The following ELAVL4 variants were observed in gnomAD, a reference collection of about 807,000 sequenced individuals.
ELAVL4 encodes the protein ELAV-like protein 4.
ELAVL4 carries 1 observed loss-of-function variant against 35.6 expected under a neutral mutation model. That is an observed-to-expected ratio of 0.03 (90% CI 0.01 to 0.13). The LOEUF is 0.13. ELAVL4 is among the 10% of genes least tolerant of loss of function. The probability of loss-of-function intolerance (pLI) is 1.00; values close to 1 mark genes in which losing one functional copy is unlikely to be tolerated. For missense variants in ELAVL4, 267 were observed against 464.9 expected (o/e 0.57, Z 3.91); for synonymous variants, 156 against 171.0 (o/e 0.91, Z 0.69).
At chr1:50,109,517 G>C (rs532640364) in intron 1 of ELAVL4, 3 of 362,388 alleles carry the variant, frequency 8.3e-6, no homozygotes, top group African/African-American at 6.2e-5. Flanking sequence ...GCAAAAGAAG[G>C]GTTTTCTTTT....
chr1:50,154,358 C>T (rs145340810), intron 2 of ELAVL4, among the ~76,000 whole-genome samples: 1 of 150,960 alleles, frequency 6.6e-6, no homozygotes, highest in African/African-American at 2.4e-5. Flanking sequence ...GTGATGTACC[C>T]ATTTGCTCAG....
chr1:50,110,791 G>A (rs936512134), intron 1 of ELAVL4, among the ~76,000 whole-genome samples: 2 of 152,102 alleles, frequency 1.3e-5, no homozygotes, highest in African/African-American at 4.8e-5. Flanking sequence ...TTAGAGGATT[G>A]CCTTTGTCTG....
chr1:50,178,263 C>T (rs1680420273), intron 3 of ELAVL4, among the ~76,000 whole-genome samples: 1 of 152,162 alleles, frequency 6.6e-6, no homozygotes, highest in African/African-American at 2.4e-5. Context: ...GAAACCTCTC[C>T]CAGAATGGAA....
chr1:50,058,677 G>A (rs1031386332), intron 1 of ELAVL4, among the ~76,000 whole-genome samples: 3 of 150,680 alleles, frequency 2.0e-5, no homozygotes, highest in East Asian at 2.0e-4. Flanking sequence ...ACAGTGGCAC[G>A]ATCAGGACTT....
chr1:50,054,293 T>C (rs550519191), intron 1 of ELAVL4, among the ~76,000 whole-genome samples: 1 of 152,252 alleles, frequency 6.6e-6, no homozygotes, highest in South Asian at 2.1e-4. Context: ...AGAAGTTAGA[T>C]TAGGATCTGG....
chr1:50,194,016 T>C (rs1683066561), intron 4 of ELAVL4, 98 bp downstream of exon 4: 1 of 1,443,484 alleles, frequency 6.9e-7, no homozygotes, highest in African/African-American at 1.4e-5. Context: ...AAGCAGATGA[T>C]ATGGATCATG....
chr1:50,193,364 A>AG (rs1682958754), intron 3 of ELAVL4, among the ~76,000 whole-genome samples: 1 of 39,130 alleles, frequency 2.6e-5, no homozygotes, highest in South Asian at 1.4e-3. Flanking sequence ...GAATTTCATG[A>AG]GGTTTTTTTT....
At chr1:50,136,058 A>G (rs1671831737) in intron 1 of ELAVL4, among the ~76,000 whole-genome samples, 1 of 152,154 alleles carries the variant, frequency 6.6e-6, no homozygotes, top group Non-Finnish European at 1.5e-5. Context: ...ACCTGAAGGG[A>G]CTTGAGCGAA....
intron 1 of ELAVL4, among the ~76,000 whole-genome samples, chr1:50,096,446 A>ATCTATTCTCTCACATATC (rs1665720475): frequency 1.3e-5 from 2 of 150,340 alleles, no homozygotes; most frequent in South Asian, 4.3e-4. Context: ...GTGAGAGAAT[A>ATCTATTCTCTCACATATC]GATGGTCATA....
chr1:50,109,013 T>TCTCCC lies in ELAVL4; in HGVS notation c.-175_-171dup. ...CTGCTCCTTTTCTTTTTTTTCTTTC[T>TCTCCC]CTCCCCCGCCCACCCCCCCAAAAAT... is the stretch of plus-strand genomic sequence containing the variant. On this transcript the variant is annotated 5_prime_UTR_variant, in exon 1 of 7. Transcript: ENST00000371824. The TCTCCC allele has an allele frequency of 1.0e-6, 1 of 985,712 alleles. No individual in the cohort carries two copies. Among genetic ancestry groups the TCTCCC allele is most frequent in the South Asian group, 4.6e-5 (1 of 21,592 alleles). 61.1% of individuals were successfully genotyped at this position (985,712 alleles called of 1,614,324 possible). A position where few individuals can be genotyped will look rare whatever the true frequency, so the allele number is the denominator to read the frequency against.
intron 1 of ELAVL4, among the ~76,000 whole-genome samples, chr1:50,075,301 G>A (rs1283695832): frequency 6.6e-6 from 1 of 152,194 alleles, no homozygotes; most frequent in Non-Finnish European, 1.5e-5. Context: ...AAGCAGGGGA[G>A]CAGCATGAGT....
chr1:50,158,662 G>A (rs974716547), intron 2 of ELAVL4, among the ~76,000 whole-genome samples: 1 of 152,142 alleles, frequency 6.6e-6, no homozygotes, highest in Non-Finnish European at 1.5e-5. Flanking sequence ...TCTGTCCTGT[G>A]TCTAGATTAT....
At chr1:50,116,226 C>T (rs758244741) in intron 1 of ELAVL4, among the ~76,000 whole-genome samples, 4 of 152,046 alleles carry the variant, frequency 2.6e-5, no homozygotes, top group African/African-American at 7.2e-5. Context: ...TACAGAAACA[C>T]GAATGTCTTG....
At chr1:50,076,012 A>G (rs568122235) in intron 1 of ELAVL4, among the ~76,000 whole-genome samples, 1 of 152,050 alleles carries the variant, frequency 6.6e-6, no homozygotes, top group Non-Finnish European at 1.5e-5. Flanking sequence ...GCATTTTAGT[A>G]GAGATGGGGT....
At chr1:50,133,888 A>C (rs1299595384) in intron 1 of ELAVL4, among the ~76,000 whole-genome samples, 1 of 152,060 alleles carries the variant, frequency 6.6e-6, no homozygotes, top group Non-Finnish European at 1.5e-5. Flanking sequence ...TATTATCTTC[A>C]CCTTCAGAAT....
At chr1:50,095,209 T>C (rs1665670127) in intron 1 of ELAVL4, among the ~76,000 whole-genome samples, 1 of 152,298 alleles carries the variant, frequency 6.6e-6, no homozygotes, top group Admixed American at 6.5e-5. Flanking sequence ...ACCCGTCTTT[T>C]GACTCCCAGT....
At chr1:50,117,325 C>T (rs999095594) in intron 1 of ELAVL4, among the ~76,000 whole-genome samples, 3 of 152,070 alleles carry the variant, frequency 2.0e-5, no homozygotes, top group Non-Finnish European at 2.9e-5. Flanking sequence ...TACTAGATAC[C>T]GCTATTACCA....
At chr1:50,148,992 C>G (rs1674246361) in intron 2 of ELAVL4, among the ~76,000 whole-genome samples, 1 of 152,060 alleles carries the variant, frequency 6.6e-6, no homozygotes, top group South Asian at 2.1e-4. Context: ...GTCTTGAAAC[C>G]AGCAGAGCTG....
intron 1 of ELAVL4, among the ~76,000 whole-genome samples, chr1:50,074,107 A>G (rs1664656628): frequency 6.6e-6 from 1 of 152,156 alleles, no homozygotes; most frequent in South Asian, 2.1e-4. Context: ...GGGGCCATAG[A>G]TGTGCTGGCC....
Sources: gnomAD v4.1 joint callset for allele counts (sites outside exome capture counted in the v4.1 genomes callset) on GRCh38, gnomAD v4.1.1 for gene constraint, MANE v1.5 for transcripts, NCBI Gene and HGNC (gene_info 2026-07-23, HGNC 2026-07-21) for gene names.